Variants in DROSHA observed in about 807,000 individuals in gnomAD.
The protein encoded by DROSHA is ribonuclease 3.
DROSHA carries 56 observed loss-of-function variants against 181.9 expected under a neutral mutation model. The observed-to-expected ratio is 0.31, with a 90% CI of 0.25 to 0.38. The LOEUF is 0.38. Ranked by LOEUF, DROSHA falls within the 10% of genes least tolerant of loss-of-function variation. The pLI, the probability that DROSHA is intolerant of heterozygous loss-of-function variation, is 1.00. For missense variants in DROSHA, 1,218 were observed against 1,743.5 expected, an observed-to-expected ratio of 0.70 and a Z score of 5.37; for synonymous variants, 524 against 591.2, an observed-to-expected ratio of 0.89 and a Z score of 1.65.
Position 31,526,685 on chromosome 5 carries a change from G to C in DROSHA, c.248C>G (p.Pro83Arg), listed in dbSNP as rs149389256. The change falls in exon 5 of 36, where the codon CCA becomes CGA. Residue 83 changes from proline to arginine, a missense_variant. Pro to Arg is a moderately radical substitution (Grantham distance 103). Around this residue, in one of 8 missense-constraint regions of DROSHA, gnomAD observed 536 missense variants for 535.4 expected, o/e 1.00. Transcript: ENST00000344624. ...PPRPDFVPFPPPMPPSAQGPL... is the reference protein window; with the variant it reads ...PPRPDFVPFPRPMPPSAQGPL... ...GCCTTGCGCTGACGGAGGCATGGGTGGGGGGAAGGGTACAAAGTCTGGTCG... is the reference window on the plus strand; with the variant it reads ...GCCTTGCGCTGACGGAGGCATGGGTCGGGGGAAGGGTACAAAGTCTGGTCG... The C allele has an allele frequency of 7.8e-5, 118 of 1,522,076 alleles. No individual in the cohort carries two copies. Among genetic ancestry groups the C allele is most frequent in the Admixed American group, 1.6e-4 (7 of 44,848 alleles). 94.3% of individuals were successfully genotyped at this position (1,522,076 alleles called of 1,614,324 possible). A position where few individuals can be genotyped will look rare whatever the true frequency, so the allele number is the denominator to read the frequency against.
At chr5:31,475,310 C>A (rs1355776575) in intron 16 of DROSHA, among the ~76,000 whole-genome samples, 1 of 152,032 alleles carries the variant, frequency 6.6e-6, no homozygotes, top group Non-Finnish European at 1.5e-5. Context: ...AAAGTAAGAC[C>A]CTGTCTCAAA....
At chr5:31,418,885 G>A (rs912906176) in intron 30 of DROSHA, among the ~76,000 whole-genome samples, 9 of 152,162 alleles carry the variant, frequency 5.9e-5, no homozygotes, top group Non-Finnish European at 1.0e-4. Context: ...ATGTTGAGAT[G>A]TTGAGAAGGC....
At chr5:31,410,104 T>C (rs951690242) in intron 31 of DROSHA, among the ~76,000 whole-genome samples, 4 of 152,190 alleles carry the variant, frequency 2.6e-5, no homozygotes, top group African/African-American at 9.6e-5. Context: ...GTAAATAAGC[T>C]AGTTTTGCAT....
chr5:31,445,440 C>T (rs778311591), intron 23 of DROSHA, among the ~76,000 whole-genome samples: 1 of 152,162 alleles, frequency 6.6e-6, no homozygotes, highest in African/African-American at 2.4e-5. Flanking sequence ...ACAAAACTTT[C>T]CAACTCGTTA....
intron 6 of DROSHA, among the ~76,000 whole-genome samples, chr5:31,516,310 T>C (rs1231954732): frequency 6.6e-6 from 1 of 152,106 alleles, no homozygotes; most frequent in Non-Finnish European, 1.5e-5. Context: ...GCCCAAGAAA[T>C]TTAGGTAGAA....
Position 31,411,392 on chromosome 5 carries a change from C to A in DROSHA, c.3526-505G>T, listed in dbSNP as rs1000261522. On this transcript the variant is annotated intron_variant, in intron 30 of 35. Transcript: ENST00000344624. This position sits in a 1 kb window ranked among gnomAD's most constrained non-coding sequence, Gnocchi z 4.2. Reference sequence around the variant, plus strand: ...TCTCCATGCAGTGAATCCTTCCCAACCCCTGACCAGGCAAACGGCCTGCTT... The same window carrying A: ...TCTCCATGCAGTGAATCCTTCCCAAACCCTGACCAGGCAAACGGCCTGCTT... Among the ~76,000 whole-genome samples, 6 of 152,102 alleles carry A rather than the reference C, an allele frequency of 3.9e-5. No individual in the cohort carries two copies. The highest frequency in any genetic ancestry group is 2.1e-4 in the South Asian group (1 of 4,832).
chr5:31,412,182 G>A (rs1439699584), intron 30 of DROSHA, among the ~76,000 whole-genome samples: 2 of 152,106 alleles, frequency 1.3e-5, no homozygotes, highest in Non-Finnish European at 2.9e-5. Context: ...AGGACAGCCG[G>A]GAGCAAGGAG....
intron 13 of DROSHA, among the ~76,000 whole-genome samples, chr5:31,490,853 T>C (rs966431549): frequency 2.0e-5 from 3 of 152,176 alleles, no homozygotes; most frequent in East Asian, 3.9e-4. Context: ...ACATCTCTAA[T>C]ACAAATGATA....
At chr5:31,428,635 T>G (rs572662604) in intron 27 of DROSHA, among the ~76,000 whole-genome samples, 2 of 152,230 alleles carry the variant, frequency 1.3e-5, no homozygotes, top group African/African-American at 4.8e-5. Context: ...TCCAAAACTA[T>G]TGATCCTTTT....
At chr5:31,497,930 T>A (rs1478877278) in intron 11 of DROSHA, among the ~76,000 whole-genome samples, 3 of 152,252 alleles carry the variant, frequency 2.0e-5, no homozygotes, top group Non-Finnish European at 2.9e-5. Context: ...AGCCAGGGAC[T>A]TAGATGACCA....
At chr5:31,452,827 C>T (rs492176) in intron 20 of DROSHA, among the ~76,000 whole-genome samples, 105,774 of 152,130 alleles carry the variant, frequency 0.7, 37,148 homozygotes, top group African/African-American at 0.75. Context: ...GTGTGGAAGA[C>T]AGAAAAGGTA....
chr5:31,421,191 A>G, intron 30 of DROSHA, 81 bp downstream of exon 30: 1 of 1,050,238 alleles, frequency 9.5e-7, no homozygotes, highest in Non-Finnish European at 1.4e-6. Flanking sequence ...GAAATTAATT[A>G]CATAGATATA....
chr5:31,428,968 T>G (rs1743812922), intron 27 of DROSHA, among the ~76,000 whole-genome samples: 1 of 152,206 alleles, frequency 6.6e-6, no homozygotes, highest in Non-Finnish European at 1.5e-5. Context: ...AAACTACAAT[T>G]TGCTTTTAAA....
At chr5:31,467,784 A>G in intron 18 of DROSHA, 155 bp downstream of exon 18, 1 of 952,318 alleles carries the variant, frequency 1.1e-6, no homozygotes, top group East Asian at 2.8e-5. Context: ...AGGAGCTACC[A>G]CAATTGTTTC....
chr5:31,519,241 C>T (rs1372682553), intron 6 of DROSHA, among the ~76,000 whole-genome samples: 1 of 152,158 alleles, frequency 6.6e-6, no homozygotes, highest in African/African-American at 2.4e-5. Flanking sequence ...CATTAAAAAT[C>T]ATCCACCTCA....
chr5:31,482,969 A>G (rs927664056), intron 16 of DROSHA, among the ~76,000 whole-genome samples: 2 of 152,170 alleles, frequency 1.3e-5, no homozygotes, highest in Non-Finnish European at 2.9e-5. Flanking sequence ...AGCATTTTTA[A>G]AAACACTAAA....
At chr5:31,419,195 A>C (rs947044018) in intron 30 of DROSHA, among the ~76,000 whole-genome samples, 3 of 152,200 alleles carry the variant, frequency 2.0e-5, no homozygotes, top group Non-Finnish European at 4.4e-5. Context: ...GGGAGCAGCC[A>C]TGTTAATGCT....
At chr5:31,530,514 G>C (rs1741156076) in intron 3 of DROSHA, among the ~76,000 whole-genome samples, 1 of 151,374 alleles carries the variant, frequency 6.6e-6, no homozygotes, top group South Asian at 2.1e-4. Flanking sequence ...CAAAGAACCA[G>C]CTAGTTCTTT....
chr5:31,492,030 G>A (rs1215917752), intron 13 of DROSHA, among the ~76,000 whole-genome samples: 1 of 152,190 alleles, frequency 6.6e-6, no homozygotes. Flanking sequence ...CTGACCTCAA[G>A]TGATCTGCCT....
Sources: gnomAD v4.1 joint callset for allele counts (sites outside exome capture counted in the v4.1 genomes callset) on GRCh38, gnomAD v4.1.1 for gene constraint, gnomAD v4.1.1 regional missense constraint, Gnocchi (gnomAD v3.1) non-coding constraint, MANE v1.5 for transcripts, NCBI Gene and HGNC (gene_info 2026-07-23, HGNC 2026-07-21) for gene names.